Variants in NSMCE2 observed in about 807,000 individuals in gnomAD.
The protein encoded by NSMCE2 is NSE2 SUMO ligase component of SMC5/6 complex.
NSMCE2 carries 24 observed loss-of-function variants against 23.8 expected under a neutral mutation model. That is an observed-to-expected ratio of 1.01 (90% CI 0.73 to 1.42). The LOEUF is 1.42. Ranked by LOEUF, NSMCE2 falls within the 40% of genes most tolerant of loss-of-function variation. The pLI, the probability that NSMCE2 is intolerant of heterozygous loss-of-function variation, is 0.00. For synonymous variants in NSMCE2, 92 were observed against 94.1 expected (o/e 0.98, Z 0.13); for missense variants, 284 against 296.5 (o/e 0.96, Z 0.31).
At chr8:125,363,660 A>G (rs1813662682) in intron 7 of NSMCE2, among the ~76,000 whole-genome samples, 1 of 98,594 alleles carries the variant, frequency 1.0e-5, no homozygotes, top group African/African-American at 4.0e-5. Context: ...GAAGGAGAAG[A>G]GAGGAGGGCG....
In NSMCE2 at chr8:125,233,131, A is replaced by G. The variant is rs531784030; in HGVS notation, c.418+50875A>G. On this transcript the variant is annotated intron_variant, in intron 5 of 7. Coordinates refer to ENST00000287437, the MANE Select transcript of NSMCE2 (RefSeq NM_173685.4). ...GCCCAGTTTTTGCATGTTATCATGT[A>G]ATAGTGCTAAAACTTTTTGTCCTCC... Among the ~76,000 whole-genome samples the G allele has an allele frequency of 3.1e-3, 467 of 152,304 alleles. 3 individuals are homozygous for G. The highest frequency in any genetic ancestry group is 0.011 in the African/African-American group (449 of 41,562).
chr8:125,353,296 A>G (rs1234037388), intron 5 of NSMCE2, among the ~76,000 whole-genome samples: 1 of 152,222 alleles, frequency 6.6e-6, no homozygotes, highest in Non-Finnish European at 1.5e-5. Context: ...ACTCTTAAAC[A>G]CACGATCAGA....
At position 125,363,542 on chromosome 8, in the gene NSMCE2, AAGAG is replaced by A. The variant is rs143065139; in HGVS notation, c.627-3209_627-3206del. Reference sequence around the variant, plus strand: ...GAGGAGAGAAAGAAAGAAAGAAAGAAAGAGAGAGAGAGAGAGAGAGGGAGGGAGG... The same window carrying A: ...GAGGAGAGAAAGAAAGAAAGAAAGAAAGAGAGAGAGAGAGAGGGAGGGAGG... On this transcript the variant is annotated intron_variant, in intron 7 of 7. Coordinates refer to ENST00000287437, the MANE Select transcript of NSMCE2 (RefSeq NM_173685.4). Among the ~76,000 whole-genome samples, 36 of 103,104 alleles carry A rather than the reference AAGAG, an allele frequency of 3.5e-4. No individual in the cohort carries two copies. In the South Asian group the frequency reaches 5.5e-3, roughly 16 times the overall value. 67.6% of individuals were successfully genotyped at this position (103,104 alleles called of 152,430 possible).
intron 5 of NSMCE2, among the ~76,000 whole-genome samples, chr8:125,312,092 AAG>A (rs1554636320): frequency 1.8e-3 from 262 of 147,046 alleles, no homozygotes; most frequent in Middle Eastern, 3.5e-3. Context: ...AAAAAAAAAA[AAG>A]AAAGAAAAGA....
chr8:125,274,424 T>G (rs1001056649), intron 5 of NSMCE2, among the ~76,000 whole-genome samples: 3 of 152,228 alleles, frequency 2.0e-5, no homozygotes, highest in African/African-American at 7.2e-5. Context: ...TAATACTAGC[T>G]TTTAAAAATG....
intron 4 of NSMCE2, among the ~76,000 whole-genome samples, chr8:125,172,188 TGCCA>T (rs1261647096): frequency 6.6e-6 from 1 of 152,212 alleles, no homozygotes; most frequent in Non-Finnish European, 1.5e-5. Context: ...CAGGGTCTGT[TGCCA>T]GCCACCCTCT....
intron 3 of NSMCE2, among the ~76,000 whole-genome samples, chr8:125,149,820 T>A (rs147230859): frequency 1.3e-3 from 193 of 152,326 alleles, no homozygotes; most frequent in African/African-American, 4.3e-3. Flanking sequence ...GCTTGTTTTC[T>A]TGTGTATTAT....
At chr8:125,121,324 G>A (rs575390008) in intron 3 of NSMCE2, among the ~76,000 whole-genome samples, 1 of 152,284 alleles carries the variant, frequency 6.6e-6, no homozygotes, top group Non-Finnish European at 1.5e-5. Context: ...CTTTTGGGCA[G>A]GTAATTTTGG....
intron 5 of NSMCE2, among the ~76,000 whole-genome samples, chr8:125,339,188 T>C (rs7015414): frequency 0.69 from 105,040 of 152,004 alleles, 37,476 homozygotes; most frequent in Admixed American, 0.8. Flanking sequence ...TTTTCTCTCC[T>C]CAGCTTACAG....
chr8:125,108,902 T>C (rs549359704), intron 3 of NSMCE2, among the ~76,000 whole-genome samples: 5 of 152,336 alleles, frequency 3.3e-5, no homozygotes, highest in African/African-American at 1.2e-4. Flanking sequence ...TATAATGTGA[T>C]GCTTTGCCAA....
At chr8:125,299,193 G>A (rs994886602) in intron 5 of NSMCE2, among the ~76,000 whole-genome samples, 1 of 152,122 alleles carries the variant, frequency 6.6e-6, no homozygotes, top group Admixed American at 6.5e-5. Flanking sequence ...AATGCATGAG[G>A]TTATCAATAG....
At chr8:125,241,071 C>T (rs1377195612) in intron 5 of NSMCE2, among the ~76,000 whole-genome samples, 1 of 152,134 alleles carries the variant, frequency 6.6e-6, no homozygotes, top group Non-Finnish European at 1.5e-5. Context: ...TGGCACTATT[C>T]TTACGGGTTG....
chr8:125,280,623 AAAGT>A (rs1827651930), intron 5 of NSMCE2, among the ~76,000 whole-genome samples: 1 of 152,212 alleles, frequency 6.6e-6, no homozygotes, highest in Non-Finnish European at 1.5e-5. Context: ...TTTAAAAAAG[AAAGT>A]ATTTGAAGTC....
At chr8:125,263,192 G>A (rs962075975) in intron 5 of NSMCE2, among the ~76,000 whole-genome samples, 1 of 152,222 alleles carries the variant, frequency 6.6e-6, no homozygotes, top group African/African-American at 2.4e-5. Context: ...GATGGCATCT[G>A]TCTTCAAGCA....
chr8:125,337,560 A>T (rs1054542121), intron 5 of NSMCE2, among the ~76,000 whole-genome samples: 39 of 152,250 alleles, frequency 2.6e-4, no homozygotes, highest in African/African-American at 9.4e-4. Flanking sequence ...GTAGAATGTT[A>T]TGCAAGTTTG....
chr8:125,274,112 T>C (rs1009737575), intron 5 of NSMCE2, among the ~76,000 whole-genome samples: 6 of 152,310 alleles, frequency 3.9e-5, no homozygotes, highest in African/African-American at 1.4e-4. Context: ...TCAGACTGTT[T>C]CTACTCTGCA....
At chr8:125,342,538 G>C (rs772688431) in intron 5 of NSMCE2, among the ~76,000 whole-genome samples, 5 of 152,132 alleles carry the variant, frequency 3.3e-5, no homozygotes, top group Non-Finnish European at 7.4e-5. Flanking sequence ...TAGAGGCAAG[G>C]ACTTTGTTCT....
At chr8:125,291,858 T>G (rs1828118279) in intron 5 of NSMCE2, among the ~76,000 whole-genome samples, 1 of 152,128 alleles carries the variant, frequency 6.6e-6, no homozygotes, top group African/African-American at 2.4e-5. Flanking sequence ...TCCAAAACCC[T>G]AGTGGCTTAT....
intron 4 of NSMCE2, among the ~76,000 whole-genome samples, chr8:125,154,664 G>A (rs930810750): frequency 6.6e-6 from 1 of 152,046 alleles, no homozygotes; most frequent in Non-Finnish European, 1.5e-5. Flanking sequence ...TTTAAAAACT[G>A]CATTTAGATC....
Sources: gnomAD v4.1 joint callset for allele counts (sites outside exome capture counted in the v4.1 genomes callset) on GRCh38, gnomAD v4.1.1 for gene constraint, MANE v1.5 for transcripts, NCBI Gene and HGNC (gene_info 2026-07-23, HGNC 2026-07-21) for gene names.